The following IDE variants were observed in gnomAD, a reference collection of about 807,000 sequenced individuals.
The protein encoded by IDE is insulin degrading enzyme.
Under a neutral mutation model 133.2 loss-of-function variants are expected in IDE, and 58 were observed. The ratio of observed to expected loss-of-function variants is 0.44; its 90% CI spans 0.35 to 0.54. The LOEUF (loss-of-function observed/expected upper bound fraction) is 0.54. IDE is among the 20% of genes least tolerant of loss of function. IDE has a pLI of 0.00. For missense variants in IDE, 981 were observed against 1,234.0 expected, an observed-to-expected ratio of 0.79 and a Z score of 3.07; for synonymous variants, 396 against 421.3, an observed-to-expected ratio of 0.94 and a Z score of 0.73.
chr10:92,474,125 G>A (rs1340392851), intron 17 of IDE, among the ~76,000 whole-genome samples: 4 of 152,114 alleles, frequency 2.6e-5, no homozygotes, highest in Admixed American at 6.5e-5. Context: ...GCACAGTGGC[G>A]TAATCATGGC....
At chr10:92,544,430 T>C (rs1399777717) in intron 1 of IDE, among the ~76,000 whole-genome samples, 3 of 152,256 alleles carry the variant, frequency 2.0e-5, no homozygotes, top group Admixed American at 2.0e-4. Context: ...AGTGCTTGCA[T>C]ACTAAAGTAT....
In IDE at chr10:92,452,736, C is replaced by T. The variant is rs1461563022; in HGVS notation, c.*1708G>A. ...TTTATTTACTAGTACAGTGGTGGATCGGAACACTCAGGCCTAATTTCAGAT... is the reference window on the plus strand; with the variant it reads ...TTTATTTACTAGTACAGTGGTGGATTGGAACACTCAGGCCTAATTTCAGAT... On this transcript the variant is annotated 3_prime_UTR_variant, in exon 25 of 25. Transcript: ENST00000265986. 4 of 152,144 alleles carry T rather than the reference C, an allele frequency of 2.6e-5. No individual in the cohort carries two copies. Among genetic ancestry groups the T allele is most frequent in the Admixed American group, 6.6e-5 (1 of 15,264 alleles). 9.4% of individuals were successfully genotyped at this position (152,144 alleles called of 1,614,324 possible). A position where few individuals can be genotyped will look rare whatever the true frequency, so the allele number is the denominator to read the frequency against.
intron 1 of IDE, chr10:92,559,160 A>T (rs1473891149): frequency 3.9e-5 from 6 of 152,216 alleles, no homozygotes; most frequent in Non-Finnish European, 8.8e-5. Context: ...ATTTTCACAC[A>T]CTGCTGGTGG....
Position 92,551,655 on chromosome 10 carries a change from G to C in IDE, c.99-14105C>G, listed in dbSNP as rs530681477. 7.9e-5 allele frequency among the ~76,000 whole-genome samples: 12 copies of C among 151,882 alleles called. No individual in the cohort carries two copies. In the South Asian group the frequency reaches 2.5e-3, roughly 32 times the overall value. On this transcript the variant is annotated intron_variant, in intron 1 of 24. Coordinates refer to ENST00000265986, the MANE Select transcript of IDE (RefSeq NM_004969.4). The stretch of plus-strand genomic sequence containing the variant: ...CCACTTATATAAGGTACCTAGAGTA[G>C]TCAAATTCACAGACAGAAAACAGAC...
intron 4 of IDE, among the ~76,000 whole-genome samples, chr10:92,515,855 C>T (rs371518792): frequency 1.8e-4 from 27 of 149,876 alleles, no homozygotes; most frequent in African/African-American, 5.1e-4. Flanking sequence ...CCACCAAGCC[C>T]GGCCTAAAAG....
intron 11 of IDE, among the ~76,000 whole-genome samples, chr10:92,498,664 G>C (rs1847852319): frequency 6.6e-6 from 1 of 152,130 alleles, no homozygotes; most frequent in African/African-American, 2.4e-5. Flanking sequence ...GGCTGAGGCA[G>C]GAGAATTGTC....
At chr10:92,510,787 A>G (rs1195841277) in intron 5 of IDE, among the ~76,000 whole-genome samples, 2 of 42,150 alleles carry the variant, frequency 4.7e-5, no homozygotes, top group African/African-American at 2.8e-4. Flanking sequence ...CATACATCTC[A>G]CATGATATAT....
chr10:92,547,679 C>T (rs975579421), intron 1 of IDE, among the ~76,000 whole-genome samples: 3 of 152,256 alleles, frequency 2.0e-5, no homozygotes, highest in Non-Finnish European at 4.4e-5. Context: ...TCTGTACAGA[C>T]AGTTCAGTTC....
chr10:92,572,195 T>C (rs955196834), intron 1 of IDE, among the ~76,000 whole-genome samples: 1 of 152,228 alleles, frequency 6.6e-6, no homozygotes, highest in African/African-American at 2.4e-5. Context: ...ATTGGTGCTT[T>C]CTTTAAAAAT....
chr10:92,494,416 G>C (rs948734213), intron 11 of IDE, among the ~76,000 whole-genome samples: 4 of 150,554 alleles, frequency 2.7e-5, no homozygotes, highest in Non-Finnish European at 5.9e-5. Context: ...GGAAGAAAAG[G>C]CTGCCAATAT....
rs745330969 is a variant in IDE, at chr10:92,465,764, T to G, written c.2400A>C (p.Gln800His). 6.2e-7 allele frequency: 1 copy of G among 1,613,816 alleles called. No homozygotes were observed. Among genetic ancestry groups the G allele is most frequent in the Non-Finnish European group, 8.5e-7 (1 of 1,179,822 alleles). Residue 800 changes from glutamine (Q) to histidine (H), a missense_variant, in exon 20 of 25, where the codon CAA (glutamine) becomes CAC (histidine). Gln to His is a conservative substitution (Grantham distance 24). This residue lies in a region of IDE where 660 missense variants were observed against 894.7 expected (regional missense o/e 0.74). Coordinates refer to ENST00000265986, the MANE Select transcript of IDE (RefSeq NM_004969.4). ...GIEIYYQTDMQSTSENMFLEL... is the reference protein window; with the variant it reads ...GIEIYYQTDMHSTSENMFLEL... The stretch of plus-strand genomic sequence containing the variant: ...CCAGAAACATATTCTCTGAGGTGCT[T>G]TGCATGTCTGTTTGGTAGTATATCT...
intron 11 of IDE, among the ~76,000 whole-genome samples, chr10:92,497,045 A>C (rs1847747655): frequency 6.6e-6 from 1 of 152,244 alleles, no homozygotes; most frequent in Admixed American, 6.5e-5. Flanking sequence ...TCTACAGTTA[A>C]CTGTCAGACT....
chr10:92,523,354 C>T (rs4933233), intron 4 of IDE, among the ~76,000 whole-genome samples: 1 of 151,754 alleles, frequency 6.6e-6, no homozygotes, highest in African/African-American at 2.4e-5. Flanking sequence ...GCACTCCAGT[C>T]TGAATGACAG....
chr10:92,554,880 C>T (rs1172732763), intron 1 of IDE: 1 of 151,882 alleles, frequency 6.6e-6, no homozygotes, highest in Non-Finnish European at 1.5e-5. Context: ...CAGAAAAATA[C>T]CTCTTCACAG....
At chr10:92,525,026 C>T (rs781759050) in intron 4 of IDE, among the ~76,000 whole-genome samples, 1 of 152,014 alleles carries the variant, frequency 6.6e-6, no homozygotes, top group Non-Finnish European at 1.5e-5. Flanking sequence ...TTTGGGAGGC[C>T]GAGGTGGGTG....
intron 12 of IDE, among the ~76,000 whole-genome samples, chr10:92,488,774 C>T (rs67528923): frequency 7.6e-6 from 1 of 131,574 alleles, no homozygotes; most frequent in African/African-American, 3.9e-5. Flanking sequence ...GAGACTCTGT[C>T]TAAAAAAAAA....
At chr10:92,503,741 G>C (rs1274345016) in intron 11 of IDE, among the ~76,000 whole-genome samples, 1 of 148,584 alleles carries the variant, frequency 6.7e-6, no homozygotes, top group African/African-American at 2.5e-5. Context: ...TTTTTGAGAC[G>C]GAGTTTCACT....
intron 15 of IDE, chr10:92,478,801 A>C: frequency 1.7e-6 from 2 of 1,200,244 alleles, no homozygotes; most frequent in South Asian, 3.1e-5. Flanking sequence ...TAACAAAAAG[A>C]AAAACAAAAG....
At chr10:92,466,017 T>C (rs1039470790) in intron 19 of IDE, among the ~76,000 whole-genome samples, 174 bp from the exon 20 acceptor site, 1 of 152,064 alleles carries the variant, frequency 6.6e-6, no homozygotes, top group Non-Finnish European at 1.5e-5. Flanking sequence ...ATGTCCAACT[T>C]TGACCAACAG....
Sources: gnomAD v4.1 joint callset for allele counts (sites outside exome capture counted in the v4.1 genomes callset) on GRCh38, gnomAD v4.1.1 for gene constraint, gnomAD v4.1.1 regional missense constraint, MANE v1.5 for transcripts, NCBI Gene and HGNC (gene_info 2026-07-23, HGNC 2026-07-21) for gene names.